DDX39B: variants seen among roughly 807,000 people sequenced by gnomAD.
The protein encoded by DDX39B is spliceosome RNA helicase DDX39B.
A neutral mutation model predicts 46.4 loss-of-function variants in DDX39B; 6 were observed. The ratio of observed to expected loss-of-function variants is 0.13; its 90% CI spans 0.07 to 0.26. The LOEUF is 0.26. Ranked by LOEUF, DDX39B falls within the 10% of genes least tolerant of loss-of-function variation. The pLI, the probability that DDX39B is intolerant of heterozygous loss-of-function variation, is 1.00. For synonymous variants in DDX39B, 174 were observed against 199.4 expected (o/e 0.87, Z 1.07); for missense variants, 185 against 553.4 (o/e 0.33, Z 6.68).
chr6:31,531,046 G>A lies in DDX39B; in HGVS notation c.1122+7C>T. Reference sequence around the variant, plus strand: ...AGAGTGGGATTTTTTCAGCCTGTGAGGTTTACCCGATGCAGGTAGGTGTCA... The same window carrying A: ...AGAGTGGGATTTTTTCAGCCTGTGAAGTTTACCCGATGCAGGTAGGTGTCA... On this transcript the variant is annotated splice_region_variant and intron_variant, in intron 9 of 10. Transcript: ENST00000396172. The surrounding 1 kb of genome is among the most constrained non-coding windows in gnomAD (Gnocchi z 5.8). 1 of 1,614,096 alleles carries A rather than the reference G, an allele frequency of 6.2e-7. No individual in the cohort carries two copies. The highest frequency in any genetic ancestry group is 8.5e-7 in the Non-Finnish European group (1 of 1,180,016).
intron 5 of DDX39B, chr6:31,536,224 T>A: frequency 1.9e-6 from 1 of 538,710 alleles, no homozygotes; most frequent in East Asian, 3.3e-5. Flanking sequence ...TATGAATCTA[T>A]AATGAAAACG....
At position 31,530,526 on chromosome 6, in the gene DDX39B, C is replaced by T; in HGVS notation, c.1271-76G>A. On this transcript the variant is annotated intron_variant, in intron 10 of 10. Coordinates refer to ENST00000396172, the MANE Select transcript of DDX39B (RefSeq NM_004640.7). The surrounding 1 kb of genome is among the most constrained non-coding windows in gnomAD (Gnocchi z 4.5). ...GAGGCAGGAACACACGGCACACATGCAGACACTGGTGTACTGCCTGGGTTC... is the reference window on the plus strand; with the variant it reads ...GAGGCAGGAACACACGGCACACATGTAGACACTGGTGTACTGCCTGGGTTC... 3 of 1,594,356 alleles carry T rather than the reference C, an allele frequency of 1.9e-6. No individual in the cohort carries two copies. Among genetic ancestry groups the T allele is most frequent in the South Asian group, 1.1e-5 (1 of 90,262 alleles).
rs190488922 is a variant in DDX39B, at chr6:31,536,603, C to T, written c.513G>A (p.Gly171=). The T allele has an allele frequency of 9.5e-5, 153 of 1,613,234 alleles. No homozygotes were observed. The East Asian group carries it at 3.0e-3, about 31-fold the overall frequency. The stretch of plus-strand genomic sequence containing the variant: ...CCAGGGCTAGGATACGGCCTGGAGT[C>T]CCCACGACGATATGCGGGCAGTTCT... ...LKKNCPHIVV[G]TPGRILALAR... is the part of the protein sequence containing the mutation. Residue 171 remains glycine (G), a synonymous_variant, in exon 5 of 11, where the codon GGG becomes GGA. Transcript: ENST00000396172.
Position 31,540,445 on chromosome 6 carries a change from G to A in DDX39B, c.88C>T (p.Pro30Ser). The A allele has an allele frequency of 6.2e-7, 1 of 1,614,186 alleles. No homozygotes were observed. The highest frequency in any genetic ancestry group is 8.5e-7 in the Non-Finnish European group (1 of 1,180,036). ...GAGCCCTTGACATCCTTCTTGGCAG[G>A]GGCCTCAGCCCCATCTCCCCCAGCT... ...TAAGGDGAEA[P>S]AKKDVKGSYV... Residue 30 changes from proline to serine, a missense_variant, in exon 2 of 11, where the codon CCT becomes TCT. Physicochemically the swap from Pro to Ser is moderately conservative, Grantham distance 74. Coordinates refer to ENST00000396172, the MANE Select transcript of DDX39B (RefSeq NM_004640.7).
At position 31,531,337 on chromosome 6, in the gene DDX39B, G is replaced by A. The variant is rs1414588253; in HGVS notation, c.936C>T (p.Phe312=). The A allele has an allele frequency of 6.2e-7, 1 of 1,614,102 alleles. No homozygotes were observed. Among genetic ancestry groups the A allele is most frequent in the Non-Finnish European group, 8.5e-7 (1 of 1,180,012 alleles). The change falls in exon 8 of 11, where the codon TTC becomes TTT. Residue 312 remains phenylalanine (F), a synonymous_variant. Coordinates refer to ENST00000396172, the MANE Select transcript of DDX39B (RefSeq NM_004640.7). This position sits in a 1 kb window ranked among gnomAD's most constrained non-coding sequence, Gnocchi z 5.8. ...ALAQLLVEQN[F]PAIAIHRGMP... is the part of the protein sequence containing the mutation. ...TCCCACGGTGGATGGCAATGGCTGG[G>A]AAGTTCTGCTCCACTAGTAGCTGGG...
At chr6:31,540,217 G>T in intron 2 of DDX39B, 105 bp downstream of exon 2, 1 of 1,285,164 alleles carries the variant, frequency 7.8e-7, no homozygotes, top group Non-Finnish European at 1.1e-6. Context: ...CCCTGATCTA[G>T]CCTTAAGTAT....
At chr6:31,533,821 A>T (rs1262225088) in intron 6 of DDX39B, 1 of 152,230 alleles carries the variant, frequency 6.6e-6, no homozygotes, top group African/African-American at 2.4e-5. Flanking sequence ...TTTAAAATTA[A>T]AAAACCCCCT....
In DDX39B at chr6:31,534,608, A is replaced by G. The variant is rs1767571732; in HGVS notation, c.735+759T>C. On this transcript the variant is annotated intron_variant, in intron 6 of 10. Transcript: ENST00000396172. The surrounding 1 kb of genome is among the most constrained non-coding windows in gnomAD (Gnocchi z 5.1). ...CATATTGGGGGAAACGGGGCACGGC[A>G]CGCGTTGGGTTCAGGAAAAAAACCG... The G allele has an allele frequency of 2.4e-6, 1 of 415,540 alleles. No individual in the cohort carries two copies. Among genetic ancestry groups the G allele is most frequent in the African/African-American group, 2.1e-5 (1 of 47,528 alleles). The allele number at this position is 415,540 out of a possible 1,614,324, so 25.7% of individuals were successfully genotyped here.
At chr6:31,536,825 AT>A in intron 4 of DDX39B, 142 bp from the exon 5 acceptor site, 1 of 1,012,530 alleles carries the variant, frequency 9.9e-7, no homozygotes, top group Non-Finnish European at 1.4e-6. Flanking sequence ...TAATTTAAAA[AT>A]TTTATGTCCC....
intron 7 of DDX39B, among the ~76,000 whole-genome samples, chr6:31,532,025 T>G (rs1032573773): frequency 1.1e-4 from 16 of 152,074 alleles, no homozygotes; most frequent in African/African-American, 3.9e-4. Context: ...GAGACGGGCG[T>G]CTCCCTATGT....
intron 5 of DDX39B, 152 bp downstream of exon 5, chr6:31,536,348 T>TA (rs753693896): frequency 9.0e-7 from 1 of 1,108,024 alleles, no homozygotes; most frequent in South Asian, 1.2e-5. Flanking sequence ...CTTAAAAGCA[T>TA]AATAAAGACC....
intron 4 of DDX39B, 36 bp downstream of exon 4, chr6:31,538,727 A>G (rs1201150625): frequency 1.2e-5 from 19 of 1,577,088 alleles, no homozygotes; most frequent in Non-Finnish European, 1.6e-5. Context: ...CCAACTTGCC[A>G]CACCCTCACT....
intron 4 of DDX39B, among the ~76,000 whole-genome samples, chr6:31,538,155 G>A (rs761249368): frequency 6.6e-6 from 1 of 152,198 alleles, no homozygotes; most frequent in Admixed American, 6.5e-5. Context: ...ACTTCAATCA[G>A]ATTTTTTCTT....
Position 31,540,469 on chromosome 6 carries a change from C to G in DDX39B, c.64G>C (p.Ala22Pro), listed in dbSNP as rs778941682. The change falls in exon 2 of 11, where the codon GCT becomes CCT. Residue 22 changes from alanine (A) to proline (P), a missense_variant. By Grantham distance (27) the Ala-to-Pro change is conservative. Transcript: ENST00000396172. ...DYEDDEVETAAGGDGAEAPAK... is the reference protein window; with the variant it reads ...DYEDDEVETAPGGDGAEAPAK... ...GGGGCCTCAGCCCCATCTCCCCCAGCTGCTGTCTCCACCTCATCATCTTCA... is the reference window on the plus strand; with the variant it reads ...GGGGCCTCAGCCCCATCTCCCCCAGGTGCTGTCTCCACCTCATCATCTTCA... 1.9e-6 allele frequency: 3 copies of G among 1,614,220 alleles called. No homozygotes were observed. Among genetic ancestry groups the G allele is most frequent in the Admixed American group, 1.7e-5 (1 of 60,024 alleles).
At chr6:31,539,322 T>C in intron 2 of DDX39B, 48 bp from the exon 3 acceptor site, 1 of 1,591,390 alleles carries the variant, frequency 6.3e-7, no homozygotes, top group Non-Finnish European at 8.6e-7. Flanking sequence ...AGTCTCCAGA[T>C]AACTCTACCT....
At position 31,535,214 on chromosome 6, in the gene DDX39B, C is replaced by T. The variant is rs1173542959; in HGVS notation, c.735+153G>A. On this transcript the variant is annotated intron_variant, in intron 6 of 10. Coordinates refer to ENST00000396172, the MANE Select transcript of DDX39B (RefSeq NM_004640.7). This position sits in a 1 kb window ranked among gnomAD's most constrained non-coding sequence, Gnocchi z 4.6. ...CAGGCCCTAACACTAGCTGTCTCTGCTTCTGTATGTCTCTTCAAGGAGTCA... is the reference window on the plus strand; with the variant it reads ...CAGGCCCTAACACTAGCTGTCTCTGTTTCTGTATGTCTCTTCAAGGAGTCA... 1 of 741,614 alleles carries T rather than the reference C, an allele frequency of 1.3e-6. No individual in the cohort carries two copies. Among genetic ancestry groups the T allele is most frequent in the Non-Finnish European group, 2.4e-6 (1 of 418,708 alleles). The allele number at this position is 741,614 out of a possible 1,614,324, so 45.9% of individuals were successfully genotyped here. A position where few individuals can be genotyped will look rare whatever the true frequency, so the allele number is the denominator to read the frequency against.
rs1022320516 is a variant in DDX39B at position 31,535,847 on chromosome 6, C to G, written c.617-362G>C. 6.6e-6 allele frequency among the ~76,000 whole-genome samples: 1 copy of G among 152,148 alleles called. No homozygotes were observed. Among genetic ancestry groups the G allele is most frequent in the African/African-American group, 2.4e-5 (1 of 41,432 alleles). On this transcript the variant is annotated intron_variant, in intron 5 of 10. Coordinates refer to ENST00000396172, the MANE Select transcript of DDX39B (RefSeq NM_004640.7). This position sits in a 1 kb window ranked among gnomAD's most constrained non-coding sequence, Gnocchi z 4.6. ...CATATTATATTCCAGATATCAGAGT[C>G]CATCTATGACTCTCTGGATTACTTT... is the stretch of plus-strand genomic sequence containing the variant.
At position 31,531,211 on chromosome 6, in the gene DDX39B, G is replaced by T; in HGVS notation, c.978-14C>A. 2 of 1,614,070 alleles carry T rather than the reference G, an allele frequency of 1.2e-6. No homozygotes were observed. The highest frequency in any genetic ancestry group is 1.7e-6 in the Non-Finnish European group (2 of 1,179,988). Reference sequence around the variant, plus strand: ...TACCGAGAAAGCCTTTGTGAGAAAGGAAATTTAAAACATGTTGAGATTCCC... The same window carrying T: ...TACCGAGAAAGCCTTTGTGAGAAAGTAAATTTAAAACATGTTGAGATTCCC... On this transcript the variant is annotated splice_polypyrimidine_tract_variant and intron_variant, in intron 8 of 10. Coordinates refer to ENST00000396172, the MANE Select transcript of DDX39B (RefSeq NM_004640.7). The surrounding 1 kb of genome is among the most constrained non-coding windows in gnomAD (Gnocchi z 5.8).
Position 31,540,613 on chromosome 6 carries a change from G to A in DDX39B, c.-81C>T. ...AGGTGAAAACAAGGGGTGAAGAGTA[G>A]GGGATTGAGGAACAGCAAAGGAAAA... On this transcript the variant is annotated 5_prime_UTR_variant, in exon 2 of 11. Coordinates refer to ENST00000396172, the MANE Select transcript of DDX39B (RefSeq NM_004640.7). The A allele has an allele frequency of 7.6e-7, 1 of 1,313,456 alleles. No individual in the cohort carries two copies. Among genetic ancestry groups the A allele is most frequent in the Admixed American group, 1.9e-5 (1 of 53,908 alleles). 81.4% of individuals were successfully genotyped at this position (1,313,456 alleles called of 1,614,324 possible).
Sources: allele counts gnomAD v4.1 joint callset (sites outside exome capture counted in the v4.1 genomes callset), GRCh38; gene constraint gnomAD v4.1.1; non-coding constraint Gnocchi (gnomAD v3.1); transcripts MANE v1.5; gene names NCBI Gene and HGNC (gene_info 2026-07-23, HGNC 2026-07-21).